GALNT17: variants seen among roughly 807,000 people sequenced by gnomAD.
The protein encoded by GALNT17 is UDP-GalNAc:polypeptide N-acetylgalactosaminyltransferase-like 3.
Under a neutral mutation model 63.7 loss-of-function variants are expected in GALNT17, and 29 were observed. The ratio of observed to expected loss-of-function variants is 0.46; its 90% CI spans 0.34 to 0.62. GALNT17 has a LOEUF of 0.62. GALNT17 is among the 20% of genes least tolerant of loss of function. GALNT17 has a pLI of 0.01. For missense variants in GALNT17, 603 were observed against 799.6 expected (o/e 0.75, Z 2.97); for synonymous variants, 305 against 318.3 (o/e 0.96, Z 0.45).
At chr7:71,535,910 G>T (rs571808648) in intron 5 of GALNT17, among the ~76,000 whole-genome samples, 1 of 152,302 alleles carries the variant, frequency 6.6e-6, no homozygotes, top group Admixed American at 6.5e-5. Context: ...AGAAATAAAT[G>T]CATTTAATTT....
intron 1 of GALNT17, among the ~76,000 whole-genome samples, chr7:71,275,988 A>G (rs1790675060): frequency 6.6e-6 from 1 of 152,100 alleles, no homozygotes; most frequent in South Asian, 2.1e-4. Flanking sequence ...TACTTGTTTC[A>G]TTTTCTTCAT....
chr7:71,413,981 C>G (rs1402092681), intron 3 of GALNT17, among the ~76,000 whole-genome samples: 1 of 152,080 alleles, frequency 6.6e-6, no homozygotes, highest in Non-Finnish European at 1.5e-5. Context: ...GTGGCTCATG[C>G]CTGTAATCCC....
chr7:71,429,985 A>G (rs1257306723), intron 5 of GALNT17, among the ~76,000 whole-genome samples: 1 of 152,004 alleles, frequency 6.6e-6, no homozygotes, highest in Non-Finnish European at 1.5e-5. Context: ...GGGATTACAT[A>G]CGTGAGCCAC....
At chr7:71,440,580 G>T (rs1787047704) in intron 5 of GALNT17, among the ~76,000 whole-genome samples, 1 of 152,008 alleles carries the variant, frequency 6.6e-6, no homozygotes, top group Non-Finnish European at 1.5e-5. Context: ...CACCATGTTG[G>T]TCAGGCTGGT....
At chr7:71,143,344 C>G (rs887154907) in intron 1 of GALNT17, among the ~76,000 whole-genome samples, 1 of 148,310 alleles carries the variant, frequency 6.7e-6, no homozygotes. Flanking sequence ...ATCACTTGAA[C>G]TCAGGAGGTG....
chr7:71,406,339 G>A (rs745824500), intron 3 of GALNT17, among the ~76,000 whole-genome samples: 4 of 152,088 alleles, frequency 2.6e-5, no homozygotes, highest in Non-Finnish European at 5.9e-5. Flanking sequence ...TTACTTGCAC[G>A]GGTGCCCTTC....
intron 5 of GALNT17, among the ~76,000 whole-genome samples, chr7:71,430,462 T>A (rs935560296): frequency 3.3e-5 from 5 of 152,168 alleles, no homozygotes; most frequent in African/African-American, 1.2e-4. Context: ...ATGCCACAGA[T>A]GGGACATTTT....
Position 71,514,588 on chromosome 7 carries a change from C to T in GALNT17, c.963-56697C>T, listed in dbSNP as rs980849937. On this transcript the variant is annotated intron_variant, in intron 5 of 10. Coordinates refer to ENST00000333538, the MANE Select transcript of GALNT17 (RefSeq NM_022479.3). ...ATCTCTTTTGGTAAAAATCTCCTAA[C>T]GGGCCCCAGGACCTCCATGCCTGTC... Among the ~76,000 whole-genome samples, 7 of 152,302 alleles carry T rather than the reference C, an allele frequency of 4.6e-5. No homozygotes were observed. The East Asian group carries it at 5.8e-4, about 13-fold the overall frequency.
At position 71,172,754 on chromosome 7, in the gene GALNT17, C is replaced by T. The variant is rs116217204; in HGVS notation, c.238+39714C>T. Among the ~76,000 whole-genome samples, 1,508 of 152,308 alleles carry T rather than the reference C, an allele frequency of 9.9e-3. 26 individuals carry two copies. Among genetic ancestry groups the T allele is most frequent in the African/African-American group, 0.035 (1,447 of 41,556 alleles). On this transcript the variant is annotated intron_variant, in intron 1 of 10. Transcript: ENST00000333538. Reference sequence around the variant, plus strand: ...TAAGTCCCCTAGCCTTGGAATTGCTCTGAAACCCAGGATTTCTTAATAAAT... The same window carrying T: ...TAAGTCCCCTAGCCTTGGAATTGCTTTGAAACCCAGGATTTCTTAATAAAT...
intron 1 of GALNT17, among the ~76,000 whole-genome samples, chr7:71,185,584 T>C (rs1258591911): frequency 4.1e-5 from 6 of 146,614 alleles, no homozygotes; most frequent in Admixed American, 1.4e-4. Context: ...GTTGGCTCAC[T>C]GCAAGCTCCG....
chr7:71,601,453 A>G (rs1240661779), intron 6 of GALNT17, among the ~76,000 whole-genome samples: 6 of 152,038 alleles, frequency 3.9e-5, no homozygotes, highest in Non-Finnish European at 8.8e-5. Flanking sequence ...ACGGAGACAG[A>G]GCTGGGAAGA....
chr7:71,688,436 CT>C (rs1791394671), intron 9 of GALNT17, among the ~76,000 whole-genome samples: 1 of 152,242 alleles, frequency 6.6e-6, no homozygotes, highest in Admixed American at 6.5e-5. Flanking sequence ...ATGCTTTCTG[CT>C]TGCTGAGATT....
intron 1 of GALNT17, among the ~76,000 whole-genome samples, chr7:71,262,752 C>T (rs1216508263): frequency 6.9e-6 from 1 of 145,700 alleles, no homozygotes; most frequent in East Asian, 2.0e-4. Flanking sequence ...GTGATCTTGG[C>T]TCACTGCAAC....
chr7:71,450,587 G>A (rs944059139), intron 5 of GALNT17, among the ~76,000 whole-genome samples: 1 of 152,170 alleles, frequency 6.6e-6, no homozygotes, highest in Non-Finnish European at 1.5e-5. Flanking sequence ...ATGGTTTTTA[G>A]TACGTTCACA....
chr7:71,375,674 C>T (rs1441001808), intron 2 of GALNT17, among the ~76,000 whole-genome samples: 1 of 152,216 alleles, frequency 6.6e-6, no homozygotes, highest in African/African-American at 2.4e-5. Flanking sequence ...CCTCCCTGGG[C>T]CTTCCAAAGC....
At chr7:71,287,473 C>A (rs571625805) in intron 1 of GALNT17, among the ~76,000 whole-genome samples, 6 of 152,026 alleles carry the variant, frequency 3.9e-5, no homozygotes, top group Admixed American at 6.6e-5. Context: ...CGTCTCATAG[C>A]CAAATAGGAG....
At chr7:71,315,065 CTAT>C (rs1449982060) in intron 1 of GALNT17, among the ~76,000 whole-genome samples, 1 of 152,196 alleles carries the variant, frequency 6.6e-6, no homozygotes, top group Non-Finnish European at 1.5e-5. Flanking sequence ...AATCACTAAT[CTAT>C]TATTTGTCTC....
At position 71,338,919 on chromosome 7, in the gene GALNT17, A is replaced by G. The variant is rs373734906; in HGVS notation, c.422+3186A>G. ...CCTGTTAAATCTCTCTCTCTACCAA[A>G]TAAGCATGTATTCATTTAGAATCAC... On this transcript the variant is annotated intron_variant, in intron 2 of 10. Coordinates refer to ENST00000333538, the MANE Select transcript of GALNT17 (RefSeq NM_022479.3). 5.3e-5 allele frequency among the ~76,000 whole-genome samples: 8 copies of G among 152,310 alleles called. No individual in the cohort carries two copies. In the East Asian group the frequency reaches 1.4e-3, roughly 26 times the overall value.
intron 6 of GALNT17, among the ~76,000 whole-genome samples, chr7:71,627,717 G>A (rs1417038194): frequency 2.6e-5 from 4 of 152,032 alleles, no homozygotes; most frequent in Admixed American, 6.6e-5. Context: ...TAACTCTAAC[G>A]GACAAGGGAA....
Sources: gnomAD v4.1 joint callset for allele counts (sites outside exome capture counted in the v4.1 genomes callset) on GRCh38, gnomAD v4.1.1 for gene constraint, MANE v1.5 for transcripts, NCBI Gene and HGNC (gene_info 2026-07-23, HGNC 2026-07-21) for gene names.